The following NAALADL2 variants were observed in gnomAD, a reference collection of about 807,000 sequenced individuals.
The protein encoded by NAALADL2 is N-acetylated alpha-linked acidic dipeptidase like 2, also known as inactive N-acetylated-alpha-linked acidic dipeptidase-like protein 2.
NAALADL2 carries 76 observed loss-of-function variants against 87.2 expected under a neutral mutation model. The ratio of observed to expected loss-of-function variants is 0.87; its 90% CI spans 0.72 to 1.05. The LOEUF is 1.05. Ranked by LOEUF, NAALADL2 falls within the 50% of genes least tolerant of loss-of-function variation. NAALADL2 has a pLI of 0.00. For missense variants in NAALADL2, 1,089 were observed against 945.8 expected (o/e 1.15, Z -1.99); for synonymous variants, 354 against 331.0 (o/e 1.07, Z -0.75).
chr3:175,636,474 A>T (rs1728556279), intron 11 of NAALADL2, among the ~76,000 whole-genome samples: 1 of 152,084 alleles, frequency 6.6e-6, no homozygotes, highest in Non-Finnish European at 1.5e-5. Flanking sequence ...CGAGCAGGGC[A>T]GATCACCTGA....
chr3:174,975,209 C>T (rs9870270), intron 1 of NAALADL2, among the ~76,000 whole-genome samples: 2,917 of 152,240 alleles, frequency 0.019, 101 homozygotes, highest in African/African-American at 0.067. Context: ...CTCTGTAAAG[C>T]TGACTTGACA....
chr3:175,451,475 G>A (rs1006490283), intron 6 of NAALADL2, among the ~76,000 whole-genome samples: 2 of 151,998 alleles, frequency 1.3e-5, no homozygotes, highest in African/African-American at 4.8e-5. Context: ...TTCATTCAAC[G>A]TATTGTCAAT....
At chr3:174,476,366 C>T (rs1272728748) in intron 1 of NAALADL2, among the ~76,000 whole-genome samples, 1 of 150,678 alleles carries the variant, frequency 6.6e-6, no homozygotes, top group African/African-American at 2.4e-5. Flanking sequence ...ATGATATGTT[C>T]CTGTGTTGTG....
chr3:175,273,630 ATTG>A (rs1310840943), intron 4 of NAALADL2, among the ~76,000 whole-genome samples: 6 of 152,228 alleles, frequency 3.9e-5, no homozygotes, highest in Admixed American at 2.0e-4. Context: ...CAAAAATCAA[ATTG>A]TTGTTTAAGG....
chr3:175,015,983 G>A (rs111328593), intron 1 of NAALADL2, among the ~76,000 whole-genome samples: 1 of 151,322 alleles, frequency 6.6e-6, no homozygotes, highest in African/African-American at 2.4e-5. Flanking sequence ...TACTGTTTTG[G>A]GGGGAGGAAC....
At chr3:174,525,973 A>G (rs966027742) in intron 1 of NAALADL2, among the ~76,000 whole-genome samples, 5 of 152,190 alleles carry the variant, frequency 3.3e-5, no homozygotes, top group Admixed American at 3.3e-4. Flanking sequence ...TAATTAGTCA[A>G]AAAACTAGCT....
intron 2 of NAALADL2, among the ~76,000 whole-genome samples, chr3:174,564,518 A>G (rs1714005190): frequency 6.6e-6 from 1 of 152,086 alleles, no homozygotes; most frequent in Non-Finnish European, 1.5e-5. Context: ...CATGAAATTA[A>G]TTTTGTTAAA....
intron 2 of NAALADL2, among the ~76,000 whole-genome samples, chr3:174,675,482 T>C (rs568390212): frequency 4.2e-4 from 64 of 152,084 alleles, no homozygotes; most frequent in Non-Finnish European, 8.1e-4. Flanking sequence ...CTTGGCAACA[T>C]AGGCTTTGCT....
chr3:174,515,274 C>A (rs557090560), intron 1 of NAALADL2, among the ~76,000 whole-genome samples: 61 of 151,948 alleles, frequency 4.0e-4, no homozygotes, highest in Admixed American at 7.2e-4. Context: ...ACTGTTAAGC[C>A]CCTAGGTTTG....
At chr3:175,226,725 A>C (rs1744211882) in intron 2 of NAALADL2, among the ~76,000 whole-genome samples, 1 of 152,154 alleles carries the variant, frequency 6.6e-6, no homozygotes, top group South Asian at 2.1e-4. Context: ...GTAGTTGAAC[A>C]AGAAACCATT....
Position 175,803,387 on chromosome 3 carries a change from T to C in NAALADL2, c.*184T>C. On this transcript the variant is annotated 3_prime_UTR_variant, in exon 14 of 14. Transcript: ENST00000454872. The stretch of plus-strand genomic sequence containing the variant: ...GAACATTTTGCACATTTAATATTTT[T>C]CTTATATCTACATTTCTGAATATGT... 2.4e-6 allele frequency: 1 copy of C among 415,100 alleles called. No individual in the cohort carries two copies. The highest frequency in any genetic ancestry group is 4.3e-6 in the Non-Finnish European group (1 of 234,858). The allele number at this position is 415,100 out of a possible 1,614,324, so 25.7% of individuals were successfully genotyped here. A position where few individuals can be genotyped will look rare whatever the true frequency, so the allele number is the denominator to read the frequency against.
chr3:175,802,953 A>G, intron 13 of NAALADL2, 52 bp from the exon 14 acceptor site: 1 of 1,183,582 alleles, frequency 8.4e-7, no homozygotes, highest in Admixed American at 2.0e-5. Context: ...AACGTTTGAT[A>G]GAAAAATAGC....
At chr3:175,539,880 T>C (rs1712002438) in intron 9 of NAALADL2, among the ~76,000 whole-genome samples, 2 of 152,238 alleles carry the variant, frequency 1.3e-5, no homozygotes, top group Non-Finnish European at 2.9e-5. Flanking sequence ...TTGTTTATGA[T>C]TCACTCATAT....
At chr3:175,617,733 G>A (rs972131184) in intron 10 of NAALADL2, among the ~76,000 whole-genome samples, 6 of 152,124 alleles carry the variant, frequency 3.9e-5, no homozygotes, top group Admixed American at 2.0e-4. Flanking sequence ...TAATAAACTT[G>A]TACTTTAGGA....
At chr3:175,020,606 A>G (rs568987722) in intron 1 of NAALADL2, among the ~76,000 whole-genome samples, 12 of 152,058 alleles carry the variant, frequency 7.9e-5, no homozygotes, top group Non-Finnish European at 1.6e-4. Context: ...TTTATGGCTT[A>G]TCTATTGTAG....
At chr3:174,585,666 T>TC (rs1716632053) in intron 2 of NAALADL2, among the ~76,000 whole-genome samples, 1 of 147,226 alleles carries the variant, frequency 6.8e-6, no homozygotes. Context: ...TTTTTTGTTT[T>TC]TTTTTTACTT....
chr3:174,763,964 C>G (rs1713435954), intron 3 of NAALADL2, among the ~76,000 whole-genome samples: 1 of 151,938 alleles, frequency 6.6e-6, no homozygotes, highest in Non-Finnish European at 1.5e-5. Context: ...AATGAGGAAA[C>G]TGAGGCTGAG....
chr3:175,588,086 G>GT (rs931871012), intron 10 of NAALADL2, among the ~76,000 whole-genome samples: 3 of 140,832 alleles, frequency 2.1e-5, no homozygotes, highest in African/African-American at 5.3e-5. Flanking sequence ...AAACCTTGGG[G>GT]TAAAAAAAAA....
chr3:175,243,837 A>G (rs142312845), intron 3 of NAALADL2, among the ~76,000 whole-genome samples: 19 of 152,272 alleles, frequency 1.2e-4, no homozygotes, highest in African/African-American at 9.6e-5. Context: ...GGGAAGATAA[A>G]GTTACCTTCT....
Sources: allele counts gnomAD v4.1 joint callset (sites outside exome capture counted in the v4.1 genomes callset), GRCh38; gene constraint gnomAD v4.1.1; transcripts MANE v1.5; gene names NCBI Gene and HGNC (gene_info 2026-07-23, HGNC 2026-07-21).